Variants in USP42 observed in about 807,000 individuals in gnomAD.
USP42 encodes the protein ubiquitin carboxyl-terminal hydrolase 42.
In USP42, 23 loss-of-function variants were observed where a neutral mutation model predicts 113.0. The observed-to-expected ratio is 0.20, with a 90% CI of 0.15 to 0.29. USP42 has a LOEUF of 0.29. Among genes scored for constraint, USP42 ranks in the 10% least tolerant of loss-of-function variants. The pLI is 1.00. For synonymous variants in USP42, 933 were observed against 699.0 expected, an observed-to-expected ratio of 1.33 and a Z score of -5.28; for missense variants, 2,174 against 1,779.8, an observed-to-expected ratio of 1.22 and a Z score of -3.99.
At chr7:6,105,368 G>T (rs1218611722) in intron 1 of USP42, among the ~76,000 whole-genome samples, 1 of 148,782 alleles carries the variant, frequency 6.7e-6, no homozygotes, top group Non-Finnish European at 1.5e-5. Context: ...GCCCCAGCCC[G>T]CCCCTTCGGC....
intron 2 of USP42, 50 bp from the exon 3 acceptor site, chr7:6,115,273 C>T (rs1455773499): frequency 6.4e-7 from 1 of 1,573,950 alleles, no homozygotes; most frequent in Middle Eastern, 1.9e-4. Flanking sequence ...ATTTATTTAG[C>T]TTCAGTATGC....
chr7:6,148,212 C>T (rs1334967466), intron 12 of USP42, among the ~76,000 whole-genome samples: 1 of 152,102 alleles, frequency 6.6e-6, no homozygotes. Flanking sequence ...GTGGTGTGTG[C>T]TGTGGTCCCA....
intron 12 of USP42, among the ~76,000 whole-genome samples, chr7:6,148,332 G>A (rs1021608420): frequency 6.6e-6 from 1 of 152,056 alleles, no homozygotes; most frequent in Non-Finnish European, 1.5e-5. Context: ...GTGAGACCCC[G>A]TCTCCAAAAT....
In USP42 at chr7:6,156,982, TTTCC is replaced by T. The variant is rs768926689; in HGVS notation, c.3871_3874del (p.Phe1291ValfsTer36). The stretch of plus-strand genomic sequence containing the variant: ...GCCCGCCTCTGGAAGGCGTCGGACC[TTTCC>T]GTGAGAAAACGAAACACTTACGGAT... On this transcript the variant is annotated frameshift_variant, in exon 16 of 18. Transcript: ENST00000306177. LOFTEE classifies it high-confidence loss of function. The T allele has an allele frequency of 8.8e-5, 142 of 1,613,666 alleles. No homozygotes were observed. Among genetic ancestry groups the T allele is most frequent in the Non-Finnish European group, 1.2e-4 (142 of 1,179,752 alleles).
At chr7:6,102,185 G>T (rs1280937924), upstream of USP42, among the ~76,000 whole-genome samples, 1 of 142,718 alleles carries the variant, frequency 7.0e-6, no homozygotes, top group Non-Finnish European at 1.5e-5. Flanking sequence ...TCGCGATCTC[G>T]GCTCACTGCA....
At chr7:6,124,852 A>G (rs956002893) in intron 3 of USP42, among the ~76,000 whole-genome samples, 2 of 151,632 alleles carry the variant, frequency 1.3e-5, no homozygotes, top group Admixed American at 6.6e-5. Context: ...ACTTTAGGTT[A>G]TATCTTTAAC....
Position 6,147,904 on chromosome 7 carries a change from T to TA in USP42, c.1386+13dup, listed in dbSNP as rs749900101. ...CTCACATGATAAAGGTAACAGTCCT[T>TA]AGGGAGAAGAACATTTTTATGTTAA... is the stretch of plus-strand genomic sequence containing the variant. On this transcript the variant is annotated intron_variant, in intron 12 of 17. Coordinates refer to ENST00000306177, the MANE Select transcript of USP42 (RefSeq NM_032172.3). 4 of 1,575,418 alleles carry TA rather than the reference T, an allele frequency of 2.5e-6. No homozygotes were observed. The highest frequency in any genetic ancestry group is 3.5e-6 in the Non-Finnish European group (4 of 1,156,234).
chr7:6,102,360 C>A (rs1380774979), upstream of USP42, among the ~76,000 whole-genome samples: 1 of 150,350 alleles, frequency 6.7e-6, no homozygotes, highest in Non-Finnish European at 1.5e-5. Context: ...GATCTGCCCG[C>A]CTCGGCTTCC....
At chr7:6,144,924 G>C (rs772509071) in intron 9 of USP42, among the ~76,000 whole-genome samples, 1 of 152,050 alleles carries the variant, frequency 6.6e-6, no homozygotes, top group South Asian at 2.1e-4. Flanking sequence ...TCCTTTGATG[G>C]GTTTGAAGAA....
chr7:6,103,707 C>T (rs1184746234), upstream of USP42, among the ~76,000 whole-genome samples: 1 of 132,768 alleles, frequency 7.5e-6, no homozygotes, highest in Non-Finnish European at 1.5e-5. Flanking sequence ...TGGAAACCAG[C>T]CTGGGCAACA....
intron 3 of USP42, among the ~76,000 whole-genome samples, chr7:6,131,449 G>C (rs1780847737): frequency 6.6e-6 from 1 of 152,122 alleles, no homozygotes; most frequent in Non-Finnish European, 1.5e-5. Flanking sequence ...ACTCCAGCCT[G>C]GGTGACAGAG....
At chr7:6,118,640 C>G (rs184477737) in intron 3 of USP42, among the ~76,000 whole-genome samples, 41 of 151,420 alleles carry the variant, frequency 2.7e-4, no homozygotes, top group Non-Finnish European at 5.2e-4. Context: ...GGTCAGTGGT[C>G]CATTTTGAGT....
Position 6,154,664 on chromosome 7 carries a change from A to T in USP42, c.3110A>T (p.Tyr1037Phe). 1.2e-6 allele frequency: 2 copies of T among 1,606,096 alleles called. No homozygotes were observed. ...GAGCTGGACTGGGTCAGACACCACT[A>T]CACCGAGGGCGAGCGTGGCTGGGGC... ...GVELDWVRHH[Y>F]TEGERGWGRE... is the part of the protein sequence containing the mutation. Residue 1037 changes from tyrosine to phenylalanine, a missense_variant, in exon 15 of 18, where the codon TAC (tyrosine) becomes TTC (phenylalanine). Physicochemically the swap from Tyr to Phe is conservative, Grantham distance 22. Transcript: ENST00000306177.
chr7:6,157,912 C>T lies in USP42; in HGVS notation c.3943+857C>T, dbSNP rs939467517. On this transcript the variant is annotated intron_variant, in intron 16 of 17. Coordinates refer to ENST00000306177, the MANE Select transcript of USP42 (RefSeq NM_032172.3). The surrounding 1 kb of genome is among the most constrained non-coding windows in gnomAD (Gnocchi z 4.1). ...GTGCTCTTACTGCACTTGAGGCAGC[C>T]CCCCACTTCCTCTCCCGTTGGTGTC... Among the ~76,000 whole-genome samples, 1 of 152,104 alleles carries T rather than the reference C, an allele frequency of 6.6e-6. No individual in the cohort carries two copies. The highest frequency in any genetic ancestry group is 2.4e-5 in the African/African-American group (1 of 41,420).
intron 3 of USP42, among the ~76,000 whole-genome samples, chr7:6,129,230 C>G (rs1780706320): frequency 6.6e-6 from 1 of 152,152 alleles, no homozygotes; most frequent in Non-Finnish European, 1.5e-5. Context: ...TCCCTATGTC[C>G]TTTACTCTCC....
intron 15 of USP42, among the ~76,000 whole-genome samples, chr7:6,155,839 C>T (rs545226010): frequency 2.6e-5 from 4 of 152,248 alleles, no homozygotes; most frequent in East Asian, 1.9e-4. Context: ...GCAGCCTTGA[C>T]CTCCTGGGCT....
intron 8 of USP42, among the ~76,000 whole-genome samples, chr7:6,143,846 G>A (rs1025647477): frequency 2.6e-5 from 4 of 152,076 alleles, no homozygotes; most frequent in Non-Finnish European, 4.4e-5. Flanking sequence ...GGTGGCTTGC[G>A]TGGCTTGGTT....
At chr7:6,090,645 G>A in the USP42 span, among the ~76,000 whole-genome samples, 1 of 146,778 alleles carries the variant, frequency 6.8e-6, no homozygotes, top group East Asian at 1.9e-4. Context: ...AGCCTAGGAG[G>A]CGGAGGTTGC....
At chr7:6,101,784 G>A (rs937694936), upstream of USP42, among the ~76,000 whole-genome samples, 1 of 150,942 alleles carries the variant, frequency 6.6e-6, no homozygotes, top group South Asian at 2.1e-4. Flanking sequence ...GATTTAAAAA[G>A]AACTCCTTTT....
Sources: allele counts gnomAD v4.1 joint callset (sites outside exome capture counted in the v4.1 genomes callset), GRCh38; gene constraint gnomAD v4.1.1; non-coding constraint Gnocchi (gnomAD v3.1); transcripts MANE v1.5; gene names NCBI Gene and HGNC (gene_info 2026-07-23, HGNC 2026-07-21).